The following TNR variants were observed in gnomAD, a reference collection of about 807,000 sequenced individuals.
TNR encodes the protein tenascin-R.
TNR carries 45 observed loss-of-function variants against 150.4 expected under a neutral mutation model. The ratio of observed to expected loss-of-function variants is 0.30; its 90% CI spans 0.24 to 0.38. The LOEUF (loss-of-function observed/expected upper bound fraction) is 0.38. Ranked by LOEUF, TNR falls within the 10% of genes least tolerant of loss-of-function variation. The probability of loss-of-function intolerance (pLI) is 1.00; values close to 1 mark genes in which losing one functional copy is unlikely to be tolerated. For missense variants in TNR, 1,544 were observed against 1,759.1 expected, an observed-to-expected ratio of 0.88 and a Z score of 2.19; for synonymous variants, 687 against 678.4, an observed-to-expected ratio of 1.01 and a Z score of -0.20.
Position 175,703,827 on chromosome 1 carries a change from G to A in TNR, c.-165+39399C>T, listed in dbSNP as rs761967623. ...CAGCAGTCAGATAAAATGGCACAGCGTATAGGGGTATGGGCTCTGAAGTCA... is the reference window on the plus strand; with the variant it reads ...CAGCAGTCAGATAAAATGGCACAGCATATAGGGGTATGGGCTCTGAAGTCA... On this transcript the variant is annotated intron_variant, in intron 1 of 22. Coordinates refer to ENST00000367674, the MANE Select transcript of TNR (RefSeq NM_003285.3). Among the ~76,000 whole-genome samples, 9 of 152,178 alleles carry A rather than the reference G, an allele frequency of 5.9e-5. No homozygotes were observed. In the South Asian group the frequency reaches 8.3e-4, roughly 14 times the overall value.
chr1:175,397,381 C>T (rs1044809162), intron 4 of TNR, among the ~76,000 whole-genome samples: 2 of 152,076 alleles, frequency 1.3e-5, no homozygotes, highest in Non-Finnish European at 2.9e-5. Flanking sequence ...TGCTACACAA[C>T]GGGGCTTTTA....
chr1:175,400,673 T>G (rs1180389935), intron 4 of TNR, among the ~76,000 whole-genome samples: 1 of 152,194 alleles, frequency 6.6e-6, no homozygotes, highest in Non-Finnish European at 1.5e-5. Context: ...GAGAAAAGAA[T>G]GCCCTATAAC....
At position 175,629,519 on chromosome 1, in the gene TNR, G is replaced by A. The variant is rs181999903; in HGVS notation, c.-164-101150C>T. ...CTGTATAGAGATGTGGGGGAGGGGT[G>A]AGAAGAGGGGACAGGTGGGACTGGC... On this transcript the variant is annotated intron_variant, in intron 1 of 22. Transcript: ENST00000367674. Among the ~76,000 whole-genome samples the A allele has an allele frequency of 2.0e-5, 3 of 152,256 alleles. No homozygotes were observed. The East Asian group carries it at 5.8e-4, about 29-fold the overall frequency.
chr1:175,696,227 T>TTTTG (rs1666516645), intron 1 of TNR, among the ~76,000 whole-genome samples: 47 of 74,016 alleles, frequency 6.3e-4, no homozygotes, highest in Admixed American at 5.0e-4. Context: ...GTTTTTTTTT[T>TTTTG]TTTTTTTTTT....
chr1:175,346,909 A>G (rs1265854164), intron 18 of TNR, among the ~76,000 whole-genome samples: 1 of 151,796 alleles, frequency 6.6e-6, no homozygotes, highest in Non-Finnish European at 1.5e-5. Context: ...AAAAGAAGCA[A>G]AAAAGAAAAA....
chr1:175,350,331 C>G (rs1416928558), intron 18 of TNR, among the ~76,000 whole-genome samples: 1 of 152,176 alleles, frequency 6.6e-6, no homozygotes, highest in Non-Finnish European at 1.5e-5. Context: ...TGCTCACTGT[C>G]TCTTAGGACA....
At chr1:175,498,997 A>G (rs1349872832) in intron 2 of TNR, among the ~76,000 whole-genome samples, 2 of 152,246 alleles carry the variant, frequency 1.3e-5, no homozygotes, top group East Asian at 3.8e-4. Flanking sequence ...CTTAAAAAGA[A>G]AAACAACAAG....
At chr1:175,723,241 G>C (rs529848433) in intron 1 of TNR, among the ~76,000 whole-genome samples, 30 of 152,296 alleles carry the variant, frequency 2.0e-4, no homozygotes, top group African/African-American at 6.0e-4. Flanking sequence ...TTTTTGGGAG[G>C]AACATGACAG....
At chr1:175,719,928 C>A (rs1177094393) in intron 1 of TNR, among the ~76,000 whole-genome samples, 1 of 152,234 alleles carries the variant, frequency 6.6e-6, no homozygotes, top group Non-Finnish European at 1.5e-5. Flanking sequence ...CACAACAGTT[C>A]CTGTAGTGGC....
chr1:175,435,393 A>G lies in TNR; in HGVS notation c.-63-28616T>C, dbSNP rs1655457068. Among the ~76,000 whole-genome samples the G allele has an allele frequency of 2.0e-5, 3 of 152,218 alleles. No individual in the cohort carries two copies. In the South Asian group the frequency reaches 6.2e-4, roughly 32 times the overall value. On this transcript the variant is annotated intron_variant, in intron 2 of 22. Transcript: ENST00000367674. ...ATATTTTGGTCTGTGGAAATAGAAG[A>G]TTGACATTCCATTAACTATGATGGG...
chr1:175,525,588 G>A (rs1423388476), intron 2 of TNR, among the ~76,000 whole-genome samples: 1 of 152,170 alleles, frequency 6.6e-6, no homozygotes, highest in Non-Finnish European at 1.5e-5. Context: ...GGACTGGCAG[G>A]GCCAGTGCAG....
chr1:175,509,214 G>C (rs1300705454), intron 2 of TNR, among the ~76,000 whole-genome samples: 1 of 152,124 alleles, frequency 6.6e-6, no homozygotes, highest in Non-Finnish European at 1.5e-5. Flanking sequence ...TCCGCCAGTG[G>C]TGTTTTTATT....
intron 2 of TNR, among the ~76,000 whole-genome samples, chr1:175,477,573 C>T (rs1339720762): frequency 6.6e-6 from 1 of 152,158 alleles, no homozygotes; most frequent in African/African-American, 2.4e-5. Context: ...CTGTGGAGTG[C>T]ACCATCTAAT....
At chr1:175,495,615 C>A (rs1032029805) in intron 2 of TNR, among the ~76,000 whole-genome samples, 3 of 152,216 alleles carry the variant, frequency 2.0e-5, no homozygotes, top group African/African-American at 7.2e-5. Context: ...ACCCACAAAA[C>A]TTTACAATAT....
chr1:175,673,507 T>C (rs1285570439), intron 1 of TNR, among the ~76,000 whole-genome samples: 1 of 152,240 alleles, frequency 6.6e-6, no homozygotes, highest in African/African-American at 2.4e-5. Flanking sequence ...CAAGCATATG[T>C]AGGGTGCTGG....
chr1:175,447,654 ATT>A (rs1467389548), intron 2 of TNR, among the ~76,000 whole-genome samples: 9 of 152,232 alleles, frequency 5.9e-5, no homozygotes, highest in African/African-American at 2.2e-4. Flanking sequence ...TGGAAACATG[ATT>A]TCTGTGTTGT....
intron 20 of TNR, among the ~76,000 whole-genome samples, chr1:175,331,103 CTCTCTCTTTCTTTTCTTTCTT>C (rs1649851865): frequency 3.6e-5 from 2 of 55,786 alleles, no homozygotes; most frequent in African/African-American, 6.0e-5. Context: ...CTTTCTTTCT[CTCTCTCTTTCTTTTCTTTCTT>C]TCTTTCTTTT....
rs770789223 is a variant in TNR at position 175,386,182 on chromosome 1, C to A, written c.1627G>T (p.Gly543Trp). The part of the protein sequence containing the change: ...FILLKYGLVG[G>W]EGGRTTFRLQ... ...CGGAAGGTGGTCCTCCCACCTTCCC[C>A]GCCCACCAGGCCATATTTCAAAAGA... The change falls in exon 8 of 23, where the codon GGG becomes TGG. Residue 543 changes from glycine (G) to tryptophan (W), a missense_variant. Around this residue, in one of 2 missense-constraint regions of TNR, gnomAD observed 1,254 missense variants for 1,329.4 expected, o/e 0.94. Coordinates refer to ENST00000367674, the MANE Select transcript of TNR (RefSeq NM_003285.3). 22 of 1,612,592 alleles carry A rather than the reference C, an allele frequency of 1.4e-5. No individual in the cohort carries two copies. The South Asian group carries it at 1.8e-4, about 13-fold the overall frequency.
chr1:175,465,169 G>A (rs913106451), intron 2 of TNR, among the ~76,000 whole-genome samples: 5 of 152,158 alleles, frequency 3.3e-5, no homozygotes, highest in East Asian at 3.8e-4. Context: ...TAAAAAGCTC[G>A]GCCAGCCTAT....
Sources: allele counts gnomAD v4.1 joint callset (sites outside exome capture counted in the v4.1 genomes callset), GRCh38; gene constraint gnomAD v4.1.1; regional missense constraint gnomAD v4.1.1; transcripts MANE v1.5; gene names NCBI Gene and HGNC (gene_info 2026-07-23, HGNC 2026-07-21).